The following GNAQ variants were observed in gnomAD, a reference collection of about 807,000 sequenced individuals.
GNAQ encodes the protein G protein subunit alpha q.
GNAQ carries 8 observed loss-of-function variants against 43.9 expected under a neutral mutation model. The ratio of observed to expected loss-of-function variants is 0.18; its 90% CI spans 0.11 to 0.33. The LOEUF (loss-of-function observed/expected upper bound fraction) is 0.33, where lower values mean the gene tolerates loss of function less well. Among genes scored for constraint, GNAQ ranks in the 10% least tolerant of loss-of-function variants. The pLI is 1.00. For synonymous variants in GNAQ, 155 were observed against 170.7 expected, an observed-to-expected ratio of 0.91 and a Z score of 0.71; for missense variants, 158 against 450.8, an observed-to-expected ratio of 0.35 and a Z score of 5.88.
At chr9:77,762,479 G>A (rs1246078040) in intron 5 of GNAQ, among the ~76,000 whole-genome samples, 2 of 143,618 alleles carry the variant, frequency 1.4e-5, no homozygotes, top group Admixed American at 1.3e-4. Flanking sequence ...GAGGTGGGGG[G>A]GTCAGCCCCC....
intron 5 of GNAQ, among the ~76,000 whole-genome samples, chr9:77,792,827 A>G (rs938520999): frequency 2.0e-5 from 3 of 152,114 alleles, no homozygotes; most frequent in Admixed American, 1.3e-4. Context: ...ATTTTATTTT[A>G]CTGGATGGCA....
intron 5 of GNAQ, among the ~76,000 whole-genome samples, chr9:77,741,528 T>C (rs1825654367): frequency 6.6e-6 from 1 of 152,210 alleles, no homozygotes; most frequent in Non-Finnish European, 1.5e-5. Flanking sequence ...AAAGCATCCA[T>C]TTTCTTTCTT....
intron 5 of GNAQ, among the ~76,000 whole-genome samples, chr9:77,768,292 A>G (rs1826165974): frequency 6.6e-6 from 1 of 152,190 alleles, no homozygotes; most frequent in South Asian, 2.1e-4. Context: ...CAAATACTCT[A>G]ATCTCTTTGG....
intron 5 of GNAQ, among the ~76,000 whole-genome samples, chr9:77,757,426 G>A (rs146284229): frequency 5.9e-5 from 9 of 152,098 alleles, no homozygotes; most frequent in African/African-American, 1.7e-4. Context: ...CCACCATTAC[G>A]CTCAAATTGA....
At chr9:77,963,508 A>G (rs1480430803) in intron 1 of GNAQ, among the ~76,000 whole-genome samples, 1 of 152,182 alleles carries the variant, frequency 6.6e-6, no homozygotes, top group African/African-American at 2.4e-5. Context: ...CTATAACAAG[A>G]AATGAAACAT....
At chr9:77,862,828 T>TA (rs1166161932) in intron 2 of GNAQ, among the ~76,000 whole-genome samples, 4 of 152,212 alleles carry the variant, frequency 2.6e-5, no homozygotes, top group African/African-American at 9.6e-5. Flanking sequence ...CTGCTTCCCT[T>TA]ATAAAACTGA....
chr9:77,781,362 T>C (rs546269941), intron 5 of GNAQ, among the ~76,000 whole-genome samples: 2 of 152,190 alleles, frequency 1.3e-5, no homozygotes, highest in South Asian at 4.1e-4. Flanking sequence ...CTTTCCCCAA[T>C]GTATGTTCTT....
At chr9:77,791,732 G>A (rs2118434467) in intron 5 of GNAQ, among the ~76,000 whole-genome samples, 1 of 152,270 alleles carries the variant, frequency 6.6e-6, no homozygotes, top group African/African-American at 2.4e-5. Flanking sequence ...TTTGTCTGTG[G>A]TCTGCAATGC....
intron 2 of GNAQ, among the ~76,000 whole-genome samples, chr9:77,910,330 C>A (rs868445750): frequency 3.9e-5 from 6 of 152,170 alleles, no homozygotes; most frequent in Non-Finnish European, 8.8e-5. Context: ...TTCTGCCTAA[C>A]TGAAAATAGA....
At position 77,853,754 on chromosome 9, in the gene GNAQ, G is replaced by A. The variant is rs372304614; in HGVS notation, c.322-37984C>T. 1.8e-4 allele frequency among the ~76,000 whole-genome samples: 19 copies of A among 105,554 alleles called. No homozygotes were observed. The East Asian group carries it at 3.7e-3, about 20-fold the overall frequency. The allele number at this position is 105,554 out of a possible 152,430, so 69.2% of individuals were successfully genotyped here. A position where few individuals can be genotyped will look rare whatever the true frequency, so the allele number is the denominator to read the frequency against. ...ATTATTCCAGCGGATTTCAATTTAG[G>A]ATCTTTGTGAAATTACTACCAAAAA... On this transcript the variant is annotated intron_variant, in intron 2 of 6. Coordinates refer to ENST00000286548, the MANE Select transcript of GNAQ (RefSeq NM_002072.5).
intron 1 of GNAQ, among the ~76,000 whole-genome samples, chr9:78,029,463 A>G (rs1824022183): frequency 6.9e-6 from 1 of 144,560 alleles, no homozygotes; most frequent in South Asian, 2.5e-4. Flanking sequence ...GCTCAAAATG[A>G]GAATTAAAAA....
At chr9:77,757,145 A>AAAT (rs1825916060) in intron 5 of GNAQ, among the ~76,000 whole-genome samples, 1 of 152,192 alleles carries the variant, frequency 6.6e-6, no homozygotes, top group South Asian at 2.1e-4. Flanking sequence ...TATTCCTGTG[A>AAAT]AATAGAACTT....
intron 2 of GNAQ, among the ~76,000 whole-genome samples, chr9:77,860,786 C>T (rs919280660): frequency 2.6e-5 from 4 of 152,122 alleles, no homozygotes; most frequent in South Asian, 2.1e-4. Flanking sequence ...CTGGCTCTTC[C>T]GTGGAGGTTG....
intron 2 of GNAQ, among the ~76,000 whole-genome samples, chr9:77,917,381 A>G (rs930398160): frequency 2.6e-5 from 4 of 152,092 alleles, no homozygotes; most frequent in Non-Finnish European, 2.9e-5. Flanking sequence ...GGTGGGGGGG[A>G]AGAAGGTAAG....
At chr9:77,872,126 T>G (rs1368397044) in intron 2 of GNAQ, among the ~76,000 whole-genome samples, 1 of 152,222 alleles carries the variant, frequency 6.6e-6, no homozygotes, top group Non-Finnish European at 1.5e-5. Flanking sequence ...CCTACCATAT[T>G]TTATTATATG....
chr9:77,740,156 C>T (rs4744847), intron 5 of GNAQ, among the ~76,000 whole-genome samples: 95,759 of 151,476 alleles, frequency 0.63, 31,179 homozygotes, highest in Non-Finnish European at 0.72. Context: ...CACACGTGGC[C>T]GCCTGATTCT....
chr9:77,903,944 CACA>C (rs1222749701), intron 2 of GNAQ, among the ~76,000 whole-genome samples: 1 of 147,720 alleles, frequency 6.8e-6, no homozygotes, highest in Admixed American at 6.8e-5. Context: ...AAACAAAACA[CACA>C]AAAAAATCTT....
chr9:77,930,878 C>T (rs948021406), intron 1 of GNAQ, among the ~76,000 whole-genome samples: 6 of 152,082 alleles, frequency 3.9e-5, no homozygotes, highest in Admixed American at 6.5e-5. Context: ...GGAACCGGGC[C>T]GCACAGCAAG....
rs1491198264 is a variant in GNAQ, at chr9:78,008,614, C to CATTTT, written c.136+22485_136+22486insAAAAT. 4.1e-3 allele frequency among the ~76,000 whole-genome samples: 440 copies of CATTTT among 106,074 alleles called. 1 individual carries two copies. The highest frequency in any genetic ancestry group is 0.019 in the African/African-American group (411 of 21,810). The allele number at this position is 106,074 out of a possible 152,430, so 69.6% of individuals were successfully genotyped here. ...CATTTCATTTCATTTCATTTCATTT[C>CATTTT]ATTTCATTTTATTTTATTTTTTGAG... On this transcript the variant is annotated intron_variant, in intron 1 of 6. Coordinates refer to ENST00000286548, the MANE Select transcript of GNAQ (RefSeq NM_002072.5).
Sources: gnomAD v4.1 joint callset for allele counts (sites outside exome capture counted in the v4.1 genomes callset) on GRCh38, gnomAD v4.1.1 for gene constraint, MANE v1.5 for transcripts, NCBI Gene and HGNC (gene_info 2026-07-23, HGNC 2026-07-21) for gene names.